Variants in ADCY3 observed in about 807,000 individuals in gnomAD.
ADCY3 encodes the protein adenylate cyclase 3.
ADCY3 carries 70 observed loss-of-function variants against 119.4 expected under a neutral mutation model. The observed-to-expected ratio is 0.59, with a 90% CI of 0.48 to 0.72. ADCY3 has a LOEUF of 0.72. Ranked by LOEUF, ADCY3 falls within the 30% of genes least tolerant of loss-of-function variation. ADCY3 has a pLI of 0.00. For synonymous variants in ADCY3, 672 were observed against 621.4 expected (o/e 1.08, Z -1.21); for missense variants, 1,238 against 1,541.6 (o/e 0.80, Z 3.30).
intron 3 of ADCY3, among the ~76,000 whole-genome samples, chr2:24,864,019 G>A (rs1673994477): frequency 6.6e-6 from 1 of 152,226 alleles, no homozygotes; most frequent in Non-Finnish European, 1.5e-5. Flanking sequence ...GGACGTGGTG[G>A]CTCATGCCTG....
intron 14 of ADCY3, 27 bp from the exon 15 acceptor site, chr2:24,827,635 G>A (rs1451682613): frequency 5.1e-6 from 8 of 1,569,008 alleles, no homozygotes; most frequent in East Asian, 2.3e-5. Flanking sequence ...AGCACAGTCA[G>A]GCCCCATCTG....
intron 2 of ADCY3, among the ~76,000 whole-genome samples, chr2:24,889,892 G>GT (rs1323796370): frequency 6.6e-6 from 1 of 152,220 alleles, no homozygotes; most frequent in Non-Finnish European, 1.5e-5. Flanking sequence ...CACAAGTCAT[G>GT]TGCTCATAAA....
In ADCY3 at chr2:24,918,640, C is replaced by T; in HGVS notation, c.348G>A (p.Val116=). The change falls in exon 2 of 22, where the codon GTG becomes GTA. Residue 116 remains valine, a synonymous_variant. Coordinates refer to ENST00000679454, the MANE Select transcript of ADCY3 (RefSeq NM_004036.5). This position sits in a 1 kb window ranked among gnomAD's most constrained non-coding sequence, Gnocchi z 5.4. ...AGAGCACGAAGAGGATGATGTCCAA[C>T]ACCAGTCCAATTCCAGCCACGGCGA... The part of the protein sequence containing the change: ...ASLAVAGIGL[V]LDIILFVLCK... 1 of 1,614,134 alleles carries T rather than the reference C, an allele frequency of 6.2e-7. No individual in the cohort carries two copies. The highest frequency in any genetic ancestry group is 8.5e-7 in the Non-Finnish European group (1 of 1,180,032).
rs1232629428 is a variant in ADCY3, at chr2:24,876,654, C to T, written c.676-3935G>A. On this transcript the variant is annotated intron_variant, in intron 2 of 21. Coordinates refer to ENST00000679454, the MANE Select transcript of ADCY3 (RefSeq NM_004036.5). ...CATCGTCCCTGTCCCCAGGGCCAGGCAGGTGTGGCCGCAGGAAGAACTTGA... is the reference window on the plus strand; with the variant it reads ...CATCGTCCCTGTCCCCAGGGCCAGGTAGGTGTGGCCGCAGGAAGAACTTGA... Among the ~76,000 whole-genome samples, 3 of 152,122 alleles carry T rather than the reference C, an allele frequency of 2.0e-5. No homozygotes were observed. In the East Asian group the frequency reaches 5.8e-4, roughly 29 times the overall value.
At chr2:24,839,123 G>A (rs1291216246) in intron 7 of ADCY3, among the ~76,000 whole-genome samples, 3 of 151,960 alleles carry the variant, frequency 2.0e-5, no homozygotes, top group Non-Finnish European at 2.9e-5. Flanking sequence ...TGTATTTTTA[G>A]TAGAGATGGG....
At chr2:24,901,482 G>T (rs1166586047) in intron 2 of ADCY3, among the ~76,000 whole-genome samples, 2 of 152,168 alleles carry the variant, frequency 1.3e-5, no homozygotes, top group African/African-American at 4.8e-5. Context: ...GTAGCTAGAA[G>T]AAATTGCTGT....
At chr2:24,897,017 A>T (rs906871215) in intron 2 of ADCY3, among the ~76,000 whole-genome samples, 5 of 152,138 alleles carry the variant, frequency 3.3e-5, no homozygotes, top group Non-Finnish European at 4.4e-5. Flanking sequence ...AGTTGTTTAC[A>T]GTGGGAGAAT....
chr2:24,856,982 C>T lies in ADCY3; in HGVS notation c.826-14598G>A, dbSNP rs143302905. ...CTCCAGCATGAGAACAGGCACCAGA[C>T]CAGTGTCCCCAGAGTCCCCAGATCA... On this transcript the variant is annotated intron_variant, in intron 3 of 21. Transcript: ENST00000679454. Among the ~76,000 whole-genome samples the T allele has an allele frequency of 9.8e-5, 15 of 152,342 alleles. No homozygotes were observed. The South Asian group carries it at 2.5e-3, about 25-fold the overall frequency.
intron 2 of ADCY3, among the ~76,000 whole-genome samples, chr2:24,886,363 C>A (rs1375205818): frequency 6.6e-6 from 1 of 152,232 alleles, no homozygotes. Context: ...CCGCCTTCCG[C>A]CTCCCCCTCG....
intron 3 of ADCY3, among the ~76,000 whole-genome samples, chr2:24,848,453 A>G (rs1401339735): frequency 4.6e-5 from 7 of 152,198 alleles, no homozygotes; most frequent in Non-Finnish European, 7.3e-5. Flanking sequence ...CGGGGCTCTC[A>G]GCTCTGAAGG....
chr2:24,909,420 C>T (rs1464714597), intron 2 of ADCY3, among the ~76,000 whole-genome samples: 4 of 152,156 alleles, frequency 2.6e-5, no homozygotes, highest in Non-Finnish European at 5.9e-5. Flanking sequence ...TGCTGGGGTC[C>T]ATGATTAAGC....
Position 24,872,839 on chromosome 2 carries a change from C to A in ADCY3, c.676-120G>T. The stretch of plus-strand genomic sequence containing the variant: ...GTGACCAAAATCAAACCTCAAGTTG[C>A]CCAATGTCCAGGGAGGGGCCCAGCA... On this transcript the variant is annotated intron_variant, in intron 2 of 21. Coordinates refer to ENST00000679454, the MANE Select transcript of ADCY3 (RefSeq NM_004036.5). The surrounding 1 kb of genome is among the most constrained non-coding windows in gnomAD (Gnocchi z 4.4). 8.1e-7 allele frequency: 1 copy of A among 1,239,654 alleles called. No homozygotes were observed. The highest frequency in any genetic ancestry group is 1.5e-5 in the South Asian group (1 of 68,836). 76.8% of individuals were successfully genotyped at this position (1,239,654 alleles called of 1,614,324 possible). A position where few individuals can be genotyped will look rare whatever the true frequency, so the allele number is the denominator to read the frequency against.
intron 2 of ADCY3, among the ~76,000 whole-genome samples, chr2:24,875,997 C>G (rs573056089): frequency 2.9e-5 from 4 of 139,890 alleles, no homozygotes; most frequent in African/African-American, 1.1e-4. Flanking sequence ...GGGAGGGGGG[C>G]GGTGGTGCAG....
At chr2:24,893,416 T>C (rs774224178) in intron 2 of ADCY3, among the ~76,000 whole-genome samples, 28 of 151,196 alleles carry the variant, frequency 1.9e-4, no homozygotes, top group Admixed American at 2.6e-4. Flanking sequence ...AGGGTCTTGC[T>C]CTGTCACCCA....
chr2:24,872,858 C>T lies in ADCY3; in HGVS notation c.676-139G>A. 1.0e-6 allele frequency: 1 copy of T among 981,516 alleles called. No homozygotes were observed. Among genetic ancestry groups the T allele is most frequent in the African/African-American group, 1.6e-5 (1 of 61,180 alleles). 60.8% of individuals were successfully genotyped at this position (981,516 alleles called of 1,614,324 possible). ...AAGTTGCCCAATGTCCAGGGAGGGG[C>T]CCAGCACAGCCTTGGACCCCAGAGC... On this transcript the variant is annotated intron_variant, in intron 2 of 21. Coordinates refer to ENST00000679454, the MANE Select transcript of ADCY3 (RefSeq NM_004036.5). This position sits in a 1 kb window ranked among gnomAD's most constrained non-coding sequence, Gnocchi z 4.4.
intron 13 of ADCY3, among the ~76,000 whole-genome samples, chr2:24,828,477 A>G (rs1267116807): frequency 2.0e-5 from 3 of 152,166 alleles, no homozygotes; most frequent in African/African-American, 7.2e-5. Context: ...AGTAGGAGCC[A>G]AGTCTTTAGG....
At chr2:24,862,321 C>G in intron 3 of ADCY3, among the ~76,000 whole-genome samples, 1 of 152,046 alleles carries the variant, frequency 6.6e-6, no homozygotes, top group African/African-American at 2.4e-5. Flanking sequence ...CTGAGGTGGG[C>G]GGATCACGAG....
chr2:24,919,998 G>A lies in ADCY3; in HGVS notation c.-513C>T, dbSNP rs1323733766. Among the ~76,000 whole-genome samples, 5 of 147,900 alleles carry A rather than the reference G, an allele frequency of 3.4e-5. No homozygotes were observed. The highest frequency in any genetic ancestry group is 7.5e-5 in the Non-Finnish European group (5 of 66,340). ...GCTCAGGGGCAGGGGCCGTGCGGGG[G>A]CCGGCAGGCGCGGGCGGCGGCGAGC... On this transcript the variant is annotated 5_prime_UTR_variant, in exon 1 of 22. Coordinates refer to ENST00000679454, the MANE Select transcript of ADCY3 (RefSeq NM_004036.5). The surrounding 1 kb of genome is among the most constrained non-coding windows in gnomAD (Gnocchi z 5.5).
intron 3 of ADCY3, among the ~76,000 whole-genome samples, chr2:24,866,409 C>G (rs1485654353): frequency 6.6e-6 from 1 of 151,636 alleles, no homozygotes; most frequent in Non-Finnish European, 1.5e-5. Flanking sequence ...TCCATCTCTA[C>G]AAAAAACCAT....
Sources: gnomAD v4.1 joint callset for allele counts (sites outside exome capture counted in the v4.1 genomes callset) on GRCh38, gnomAD v4.1.1 for gene constraint, Gnocchi (gnomAD v3.1) non-coding constraint, MANE v1.5 for transcripts, NCBI Gene and HGNC (gene_info 2026-07-23, HGNC 2026-07-21) for gene names.